IQANK1: variants seen among roughly 807,000 people sequenced by gnomAD.
IQANK1 encodes the protein IQ motif and ankyrin repeat domain-containing protein 1.
A neutral mutation model predicts 22.6 loss-of-function variants in IQANK1; 30 were observed. That is an observed-to-expected ratio of 1.33 (90% confidence interval 0.99 to 1.80). IQANK1 has a LOEUF of 1.80. IQANK1 is among the 40% of genes most tolerant of loss of function. The pLI is 0.00. For synonymous variants in IQANK1, 122 were observed against 99.6 expected (o/e 1.23, Z -1.34); for missense variants, 275 against 235.2 (o/e 1.17, Z -1.11).
intron 3 of IQANK1, chr8:143,742,489 G>A (rs554294291): frequency 2.6e-5 from 12 of 456,066 alleles, no homozygotes; most frequent in African/African-American, 2.0e-4. Context: ...CCCGGGACTC[G>A]CCTGTGTCAT....
intron 3 of IQANK1, 46 bp downstream of exon 3, chr8:143,739,994 T>C (rs1347440818): frequency 3.0e-6 from 2 of 667,430 alleles, no homozygotes; most frequent in East Asian, 2.8e-5. Flanking sequence ...CCGGGTGAGC[T>C]GTTGGCAGGG....
chr8:143,782,567 G>A (rs913229282), intron 7 of IQANK1, among the ~76,000 whole-genome samples: 4 of 151,738 alleles, frequency 2.6e-5, no homozygotes, highest in East Asian at 1.9e-4. Context: ...TGCAACCTCC[G>A]CCTCCCAGGT....
intron 7 of IQANK1, among the ~76,000 whole-genome samples, chr8:143,782,611 G>A (rs1173930545): frequency 1.3e-5 from 2 of 152,120 alleles, no homozygotes; most frequent in Non-Finnish European, 2.9e-5. Flanking sequence ...CTCCTGAGTA[G>A]CTGGGATTAC....
At chr8:143,737,701 C>T (rs782121618) in intron 2 of IQANK1, among the ~76,000 whole-genome samples, 1 of 152,218 alleles carries the variant, frequency 6.6e-6, no homozygotes, top group Non-Finnish European at 1.5e-5. Context: ...GCTCCAGGGC[C>T]ACGGCCAGCT....
chr8:143,742,597 G>A, intron 3 of IQANK1: 1 of 456,090 alleles, frequency 2.2e-6, no homozygotes, highest in Non-Finnish European at 4.4e-6. Context: ...GGGAAACCCA[G>A]CCTGGGAAGG....
At chr8:143,743,724 A>G (rs1554626926) in intron 3 of IQANK1, 9 of 328,410 alleles carry the variant, frequency 2.7e-5, no homozygotes, top group South Asian at 1.4e-4. Context: ...CTCACAGTGC[A>G]TATTTAAAAA....
At chr8:143,772,267 G>T (rs1486020782) in intron 6 of IQANK1, 24 bp downstream of exon 6, 1 of 397,578 alleles carries the variant, frequency 2.5e-6, no homozygotes, top group African/African-American at 2.1e-5. Context: ...GCCGCGGGCC[G>T]CCGCGCTGAG....
intron 3 of IQANK1, among the ~76,000 whole-genome samples, chr8:143,766,376 A>G (rs571268998): frequency 1.3e-4 from 20 of 152,264 alleles, no homozygotes; most frequent in Non-Finnish European, 2.2e-4. Flanking sequence ...CGTGAATAGA[A>G]CTAACTGATT....
chr8:143,786,919 G>C (rs934428352), intron 7 of IQANK1, among the ~76,000 whole-genome samples: 1 of 152,224 alleles, frequency 6.6e-6, no homozygotes, highest in African/African-American at 2.4e-5. Flanking sequence ...ATGAGGCACA[G>C]AGGCTGGAGG....
intron 7 of IQANK1, among the ~76,000 whole-genome samples, chr8:143,773,721 C>G (rs1403079741): frequency 6.6e-6 from 1 of 152,216 alleles, no homozygotes; most frequent in African/African-American, 2.4e-5. Flanking sequence ...GGAGCCTGTC[C>G]TGCCCCTCTC....
intron 7 of IQANK1, 126 bp downstream of exon 7, chr8:143,772,608 G>T (rs1819603164): frequency 5.0e-6 from 2 of 397,178 alleles, no homozygotes; most frequent in Non-Finnish European, 8.9e-6. Flanking sequence ...CACCCAGGCA[G>T]GGAAGGCTCA....
chr8:143,784,063 CCT>C (rs1819843598), intron 7 of IQANK1, among the ~76,000 whole-genome samples: 1 of 152,172 alleles, frequency 6.6e-6, no homozygotes, highest in Admixed American at 6.5e-5. Context: ...TCAGTCATTA[CCT>C]CTGTTTCTGC....
At chr8:143,775,562 C>G (rs1819665722) in intron 7 of IQANK1, among the ~76,000 whole-genome samples, 1 of 151,810 alleles carries the variant, frequency 6.6e-6, no homozygotes, top group South Asian at 2.1e-4. Context: ...AGTTTGAGAC[C>G]AGCCTGGCCA....
chr8:143,740,482 C>A, intron 3 of IQANK1, among the ~76,000 whole-genome samples: 1 of 152,358 alleles, frequency 6.6e-6, no homozygotes, highest in Non-Finnish European at 1.5e-5. Flanking sequence ...AACTCGTCGT[C>A]GGTCTCCACG....
At chr8:143,768,814 A>G (rs1819524218) in intron 3 of IQANK1, among the ~76,000 whole-genome samples, 1 of 152,274 alleles carries the variant, frequency 6.6e-6, no homozygotes, top group Admixed American at 6.5e-5. Context: ...AAGATTGCTT[A>G]TTGATGATAA....
chr8:143,781,303 T>C (rs1169962349), intron 7 of IQANK1, among the ~76,000 whole-genome samples: 1 of 152,244 alleles, frequency 6.6e-6, no homozygotes, highest in Non-Finnish European at 1.5e-5. Context: ...TTTCTTTTGC[T>C]ATGCAGAAGC....
At chr8:143,759,341 G>C (rs1819352074) in intron 3 of IQANK1, 2 of 158,132 alleles carry the variant, frequency 1.3e-5, no homozygotes, top group Non-Finnish European at 2.8e-5. Flanking sequence ...GACTGCTACT[G>C]CCCAGGTTAA....
At chr8:143,748,539 ATAAT>A (rs2129816935) in intron 3 of IQANK1, among the ~76,000 whole-genome samples, 1 of 136,554 alleles carries the variant, frequency 7.3e-6, no homozygotes, top group South Asian at 2.1e-4. Context: ...TATATGATAT[ATAAT>A]ATATAAATAT....
intron 3 of IQANK1, among the ~76,000 whole-genome samples, chr8:143,741,532 G>GC (rs1223193334): frequency 3.3e-5 from 5 of 152,130 alleles, no homozygotes; most frequent in Admixed American, 3.3e-4. Context: ...TGGCAGGGGG[G>GC]ATTCTACACA....
Sources: allele counts gnomAD v4.1 joint callset (sites outside exome capture counted in the v4.1 genomes callset), GRCh38; gene constraint gnomAD v4.1.1; transcripts MANE v1.5; gene names NCBI Gene and HGNC (gene_info 2026-07-23, HGNC 2026-07-21).